Variants in TFEC observed in about 807,000 individuals in gnomAD.
The protein encoded by TFEC is transcription factor EC.
A neutral mutation model predicts 41.6 loss-of-function variants in TFEC; 31 were observed. The ratio of observed to expected loss-of-function variants is 0.74; its 90% CI spans 0.56 to 1.01. TFEC has a LOEUF of 1.01. Among genes scored for constraint, TFEC ranks in the 50% least tolerant of loss-of-function variants. The pLI, the probability that TFEC is intolerant of heterozygous loss-of-function variation, is 0.00. For missense variants in TFEC, 402 were observed against 404.1 expected (o/e 0.99, Z 0.04); for synonymous variants, 143 against 140.6 (o/e 1.02, Z -0.12).
intron 1 of TFEC, among the ~76,000 whole-genome samples, chr7:116,000,162 A>G (rs187335574): frequency 1.3e-5 from 2 of 152,168 alleles, no homozygotes; most frequent in African/African-American, 4.8e-5. Context: ...ATGGTCAGAC[A>G]TATGCAAAAT....
intron 3 of TFEC, among the ~76,000 whole-genome samples, chr7:116,071,920 T>G (rs1796838902): frequency 6.6e-6 from 1 of 151,470 alleles, no homozygotes; most frequent in Non-Finnish European, 1.5e-5. Flanking sequence ...ACAGTAGTAT[T>G]ACTTAAATTA....
chr7:116,056,994 TA>T (rs1219982829), intron 3 of TFEC, among the ~76,000 whole-genome samples: 2 of 152,030 alleles, frequency 1.3e-5, no homozygotes, highest in African/African-American at 4.8e-5. Flanking sequence ...ATTGAACTTC[TA>T]AATATGAAAG....
chr7:116,110,577 G>T (rs1312041509), intron 3 of TFEC: 6 of 543,288 alleles, frequency 1.1e-5, no homozygotes, highest in Non-Finnish European at 8.6e-6. Context: ...TGGAAATTGG[G>T]AGGAAGCCCT....
intron 3 of TFEC, among the ~76,000 whole-genome samples, chr7:116,056,551 G>A (rs932492499): frequency 6.6e-6 from 1 of 152,090 alleles, no homozygotes; most frequent in African/African-American, 2.4e-5. Context: ...CAGCCATACT[G>A]GAAATCACAT....
intron 3 of TFEC, among the ~76,000 whole-genome samples, chr7:115,960,998 GA>G (rs1285307451): frequency 6.6e-6 from 1 of 151,550 alleles, no homozygotes; most frequent in Non-Finnish European, 1.5e-5. Context: ...CCAGATATGT[GA>G]AACAAAATGT....
intron 1 of TFEC, among the ~76,000 whole-genome samples, chr7:116,016,087 A>G (rs1404890942): frequency 6.6e-6 from 1 of 152,238 alleles, no homozygotes; most frequent in Non-Finnish European, 1.5e-5. Flanking sequence ...TTACACAAGG[A>G]AAGTCAAGAC....
intron 3 of TFEC, among the ~76,000 whole-genome samples, chr7:116,077,963 TG>T (rs1796999108): frequency 6.6e-6 from 1 of 152,020 alleles, no homozygotes; most frequent in Admixed American, 6.6e-5. Context: ...ACCCAACAAC[TG>T]CAGAATATAC....
chr7:116,005,890 G>A (rs1028693961), intron 1 of TFEC, among the ~76,000 whole-genome samples: 1 of 152,200 alleles, frequency 6.6e-6, no homozygotes, highest in African/African-American at 2.4e-5. Flanking sequence ...GGTGTCCTGT[G>A]TCCCAGCTGC....
At chr7:116,087,917 T>A (rs562247095) in intron 3 of TFEC, among the ~76,000 whole-genome samples, 1 of 152,262 alleles carries the variant, frequency 6.6e-6, no homozygotes, top group Admixed American at 6.5e-5. Flanking sequence ...CTGTTAGTAA[T>A]TCTTCCTTCT....
chr7:116,085,478 G>A (rs1479932936), intron 3 of TFEC, among the ~76,000 whole-genome samples: 4 of 151,736 alleles, frequency 2.6e-5, no homozygotes, highest in Admixed American at 6.6e-5. Context: ...TTTATAGAAC[G>A]GGTTTGACCA....
intron 1 of TFEC, among the ~76,000 whole-genome samples, chr7:116,016,750 T>G (rs923732983): frequency 6.6e-6 from 1 of 151,934 alleles, no homozygotes; most frequent in Admixed American, 6.6e-5. Flanking sequence ...ATATTCTATA[T>G]GTACATAGCA....
chr7:116,001,071 C>G (rs1346059697), intron 1 of TFEC, among the ~76,000 whole-genome samples: 1 of 151,992 alleles, frequency 6.6e-6, no homozygotes, highest in African/African-American at 2.4e-5. Flanking sequence ...TACTTCAGAG[C>G]TATAGTAACA....
chr7:116,021,321 T>C (rs990823060), intron 1 of TFEC, among the ~76,000 whole-genome samples: 4 of 152,186 alleles, frequency 2.6e-5, no homozygotes, highest in Non-Finnish European at 4.4e-5. Flanking sequence ...TAACCCAATA[T>C]CTGAGAAGTC....
chr7:115,976,963 C>T (rs1311750404), intron 2 of TFEC, among the ~76,000 whole-genome samples: 2 of 152,164 alleles, frequency 1.3e-5, no homozygotes, highest in African/African-American at 4.8e-5. Context: ...TGAGAAACAT[C>T]CTCCTTTGGA....
chr7:116,071,318 G>C (rs992316452), intron 3 of TFEC, among the ~76,000 whole-genome samples: 6 of 150,156 alleles, frequency 4.0e-5, no homozygotes, highest in African/African-American at 1.5e-4. Flanking sequence ...AAGATGAGAT[G>C]ACTCTTTCAT....
At chr7:116,005,016 T>C (rs1276148483) in intron 1 of TFEC, among the ~76,000 whole-genome samples, 2 of 152,208 alleles carry the variant, frequency 1.3e-5, no homozygotes, top group Admixed American at 1.3e-4. Flanking sequence ...TCTGTTCTCT[T>C]GTCTGCTGCC....
At chr7:116,055,859 T>C (rs1796417706) in intron 3 of TFEC, among the ~76,000 whole-genome samples, 1 of 152,116 alleles carries the variant, frequency 6.6e-6, no homozygotes, top group Admixed American at 6.5e-5. Context: ...TTCTTTTTAC[T>C]GAAATAACAT....
At chr7:116,025,217 G>C (rs1394053551) in intron 1 of TFEC, among the ~76,000 whole-genome samples, 1 of 152,102 alleles carries the variant, frequency 6.6e-6, no homozygotes, top group African/African-American at 2.4e-5. Context: ...GTTCTAAAAA[G>C]CTCTGTCCTA....
intron 6 of TFEC, among the ~76,000 whole-genome samples, chr7:115,945,857 A>G (rs1021784830): frequency 7.3e-5 from 11 of 151,700 alleles, no homozygotes; most frequent in African/African-American, 2.7e-4. Context: ...TCACTGGATG[A>G]GGTCAAGCTC....
Sources: gnomAD v4.1 joint callset for allele counts (sites outside exome capture counted in the v4.1 genomes callset) on GRCh38, gnomAD v4.1.1 for gene constraint, MANE v1.5 for transcripts, NCBI Gene and HGNC (gene_info 2026-07-23, HGNC 2026-07-21) for gene names.